Variants in VAX2 observed in about 807,000 individuals in gnomAD.
VAX2 encodes ventral anterior homeobox 2.
VAX2 carries 8 observed loss-of-function variants against 12.5 expected under a neutral mutation model. The observed-to-expected ratio is 0.64, with a 90% confidence interval of 0.37 to 1.15. The LOEUF (loss-of-function observed/expected upper bound fraction) is 1.15. VAX2 is among the 50% of genes most tolerant of loss of function. The pLI is 0.01. For missense variants in VAX2, 476 were observed against 412.9 expected (o/e 1.15, Z -1.32); for synonymous variants, 183 against 187.6 (o/e 0.98, Z 0.20).
At chr2:70,905,212 C>A (rs1046328823) in intron 1 of VAX2, among the ~76,000 whole-genome samples, 1 of 152,140 alleles carries the variant, frequency 6.6e-6, no homozygotes, top group Non-Finnish European at 1.5e-5. Context: ...ACCTGACAAC[C>A]GAGGACCAGC....
chr2:70,918,468 T>A (rs1221345699), intron 1 of VAX2, among the ~76,000 whole-genome samples: 1 of 152,190 alleles, frequency 6.6e-6, no homozygotes. Flanking sequence ...AGGAGCCTCC[T>A]GCCAGACAGC....
At chr2:70,925,989 C>G (rs1679563083) in intron 2 of VAX2, among the ~76,000 whole-genome samples, 1 of 152,054 alleles carries the variant, frequency 6.6e-6, no homozygotes, top group African/African-American at 2.4e-5. Context: ...CCTGGATACT[C>G]AGAGGACCCA....
At chr2:70,903,137 G>A (rs938367319) in intron 1 of VAX2, among the ~76,000 whole-genome samples, 4 of 152,186 alleles carry the variant, frequency 2.6e-5, no homozygotes, top group Non-Finnish European at 5.9e-5. Context: ...AACAGGCCTG[G>A]CACTGGTGAA....
intron 1 of VAX2, among the ~76,000 whole-genome samples, chr2:70,915,452 A>G (rs1231666086): frequency 3.3e-5 from 5 of 151,446 alleles, no homozygotes; most frequent in Admixed American, 6.6e-5. Flanking sequence ...CTGGTCTCGA[A>G]CTCCTGACCT....
At chr2:70,914,803 ATTTTT>A (rs34964280) in intron 1 of VAX2, among the ~76,000 whole-genome samples, 2 of 140,654 alleles carry the variant, frequency 1.4e-5, no homozygotes, top group Non-Finnish European at 3.1e-5. Flanking sequence ...ATTTACTTAA[ATTTTT>A]TTTTTTTTTT....
chr2:70,913,542 G>A (rs1337436185), intron 1 of VAX2, among the ~76,000 whole-genome samples: 2 of 152,074 alleles, frequency 1.3e-5, no homozygotes, highest in Non-Finnish European at 2.9e-5. Flanking sequence ...CGGGCATGGT[G>A]GTGGGTGCCT....
intron 1 of VAX2, among the ~76,000 whole-genome samples, chr2:70,916,718 G>A (rs1300999475): frequency 1.3e-5 from 2 of 151,980 alleles, no homozygotes; most frequent in Non-Finnish European, 2.9e-5. Context: ...TTCCTGAGTA[G>A]TATCCCAGAG....
At chr2:70,932,285 A>G (rs1679709678) in intron 2 of VAX2, among the ~76,000 whole-genome samples, 1 of 151,990 alleles carries the variant, frequency 6.6e-6, no homozygotes, top group Admixed American at 6.6e-5. Context: ...GTTTTTTGAG[A>G]TATCCATGGG....
At chr2:70,902,655 C>G (rs1678960838) in intron 1 of VAX2, among the ~76,000 whole-genome samples, 2 of 152,282 alleles carry the variant, frequency 1.3e-5, no homozygotes, top group African/African-American at 4.8e-5. Flanking sequence ...CTCTACTAAC[C>G]CTGTATGTAG....
intron 2 of VAX2, among the ~76,000 whole-genome samples, chr2:70,923,639 C>T (rs1679508622): frequency 6.6e-6 from 1 of 152,034 alleles, no homozygotes; most frequent in African/African-American, 2.4e-5. Flanking sequence ...TAGAATGACG[C>T]ACACAACTCA....
At chr2:70,918,081 T>C (rs3771394) in intron 1 of VAX2, among the ~76,000 whole-genome samples, 121,775 of 152,192 alleles carry the variant, frequency 0.8, 49,341 homozygotes, top group African/African-American at 0.93. Flanking sequence ...AGAATTGGAG[T>C]TGGGGAGCTT....
chr2:70,900,784 G>A lies in VAX2; in HGVS notation c.163G>A (p.Ala55Thr). Reference protein sequence around the residue: ...EVAGTSASSPAGSRESGADSD... With the variant: ...EVAGTSASSPTGSRESGADSD... ...GGCCGGGACCTCAGCCTCCAGTCCC[G>A]CAGGCTCCAGGGAGAGTGGAGCCGA... The change falls in exon 1 of 3, where the codon GCA becomes ACA. Residue 55 changes from alanine to threonine, a missense_variant. Physicochemically the swap from Ala to Thr is moderately conservative, Grantham distance 58 (BLOSUM62 0). Coordinates refer to ENST00000234392, the MANE Select transcript of VAX2 (RefSeq NM_012476.3). 2 of 1,497,010 alleles carry A rather than the reference G, an allele frequency of 1.3e-6. No homozygotes were observed. Among genetic ancestry groups the A allele is most frequent in the African/African-American group, 1.4e-5 (1 of 69,762 alleles). The allele number at this position is 1,497,010 out of a possible 1,614,324, so 92.7% of individuals were successfully genotyped here.
chr2:70,910,301 A>G (rs1679154006), intron 1 of VAX2, among the ~76,000 whole-genome samples: 2 of 152,152 alleles, frequency 1.3e-5, no homozygotes, highest in South Asian at 2.1e-4. Flanking sequence ...GAAATTTGTC[A>G]TAATAAACTG....
In VAX2 at chr2:70,929,424, C is replaced by T. The variant is rs146649866; in HGVS notation, c.436-3343C>T. On this transcript the variant is annotated intron_variant, in intron 2 of 2. Transcript: ENST00000234392. The stretch of plus-strand genomic sequence containing the variant: ...TTAGAAAAGGCCTGGAGCGGTGGCT[C>T]ATGCCTGTAATCCCAGCACTTTAGG... Among the ~76,000 whole-genome samples the T allele has an allele frequency of 1.5e-3, 225 of 152,310 alleles. 3 individuals carry two copies. The East Asian group carries it at 0.04, about 27-fold the overall frequency.
chr2:70,913,727 A>G (rs1553411546), intron 1 of VAX2, among the ~76,000 whole-genome samples: 1 of 151,566 alleles, frequency 6.6e-6, no homozygotes, highest in African/African-American at 2.4e-5. Flanking sequence ...AAATAACTTT[A>G]CATTTATTAT....
intron 1 of VAX2, among the ~76,000 whole-genome samples, chr2:70,908,773 G>A (rs1274901288): frequency 6.6e-6 from 1 of 152,178 alleles, no homozygotes; most frequent in Non-Finnish European, 1.5e-5. Context: ...AGTTTACACT[G>A]CCACCAGCGA....
chr2:70,922,784 C>T (rs1186239927), intron 2 of VAX2, among the ~76,000 whole-genome samples: 2 of 152,168 alleles, frequency 1.3e-5, no homozygotes, highest in African/African-American at 4.8e-5. Flanking sequence ...CCTGCGGGGC[C>T]TCCCTCCAGC....
intron 1 of VAX2, among the ~76,000 whole-genome samples, chr2:70,906,329 C>T (rs1679058066): frequency 6.6e-6 from 1 of 152,050 alleles, no homozygotes; most frequent in African/African-American, 2.4e-5. Context: ...GAGGTAGCAG[C>T]CCCAGGCTTG....
intron 1 of VAX2, among the ~76,000 whole-genome samples, chr2:70,912,380 G>A (rs568240119): frequency 3.9e-5 from 6 of 152,176 alleles, no homozygotes; most frequent in South Asian, 2.1e-4. Context: ...GCATATTATC[G>A]GCCAGGCATG....
Sources: allele counts gnomAD v4.1 joint callset (sites outside exome capture counted in the v4.1 genomes callset), GRCh38; gene constraint gnomAD v4.1.1; transcripts MANE v1.5; gene names NCBI Gene and HGNC (gene_info 2026-07-23, HGNC 2026-07-21).